The following THUMPD2 variants were observed in gnomAD, a reference collection of about 807,000 sequenced individuals.
THUMPD2 encodes THUMP domain 2 tRNA and snRNA guanosine methyltransferase.
In THUMPD2, 56 loss-of-function variants were observed where a neutral mutation model predicts 49.4. That is an observed-to-expected ratio of 1.13 (90% CI 0.91 to 1.41). The LOEUF is 1.41. Ranked by LOEUF, THUMPD2 falls within the 40% of genes most tolerant of loss-of-function variation. The probability of loss-of-function intolerance (pLI) is 0.00; values close to 1 mark genes in which losing one functional copy is unlikely to be tolerated. For synonymous variants in THUMPD2, 237 were observed against 205.2 expected (o/e 1.15, Z -1.32); for missense variants, 709 against 594.5 (o/e 1.19, Z -2.00).
chr2:39,755,822 G>A lies in THUMPD2; in HGVS notation c.963+67C>T, dbSNP rs1676034289. On this transcript the variant is annotated intron_variant, in intron 7 of 9. Transcript: ENST00000505747. ...ATAGACATTCTACTTGTAAATAATT[G>A]GTGATTATACTACATATACTGATTA... 6.3e-6 allele frequency: 8 copies of A among 1,265,166 alleles called. No individual in the cohort carries two copies. The South Asian group carries it at 1.0e-4, about 17-fold the overall frequency. The allele number at this position is 1,265,166 out of a possible 1,614,324, so 78.4% of individuals were successfully genotyped here.
Position 39,736,665 on chromosome 2 carries a change from T to C in THUMPD2, c.*70A>G. 1 of 1,425,384 alleles carries C rather than the reference T, an allele frequency of 7.0e-7. No homozygotes were observed. The highest frequency in any genetic ancestry group is 9.4e-7 in the Non-Finnish European group (1 of 1,060,098). 88.3% of individuals were successfully genotyped at this position (1,425,384 alleles called of 1,614,324 possible). A position where few individuals can be genotyped will look rare whatever the true frequency, so the allele number is the denominator to read the frequency against. ...AGCTCTGTGGGTGCTATATGAATCC[T>C]AGAGACAGCAAACTTCTGCTGTACA... is the stretch of plus-strand genomic sequence containing the variant. On this transcript the variant is annotated 3_prime_UTR_variant, in exon 10 of 10. Coordinates refer to ENST00000505747, the MANE Select transcript of THUMPD2 (RefSeq NM_025264.5).
intron 8 of THUMPD2, among the ~76,000 whole-genome samples, chr2:39,750,303 A>G (rs1675219875): frequency 6.6e-6 from 1 of 152,318 alleles, no homozygotes; most frequent in Admixed American, 6.5e-5. Flanking sequence ...GACTGGCATG[A>G]GATGGTTTCC....
intron 1 of THUMPD2, among the ~76,000 whole-genome samples, chr2:39,776,801 T>TAG (rs1480520597): frequency 5.9e-5 from 9 of 152,172 alleles, no homozygotes; most frequent in African/African-American, 2.2e-4. Context: ...TGTTGGGAGT[T>TAG]CTCTGAGAGG....
rs1676062477 is a variant in THUMPD2, at chr2:39,755,970, G to T, written c.892-10C>A. On this transcript the variant is annotated splice_polypyrimidine_tract_variant and intron_variant, in intron 6 of 9. Coordinates refer to ENST00000505747, the MANE Select transcript of THUMPD2 (RefSeq NM_025264.5). ...AAACAAATGCACCAGCCTGCAGACA[G>T]AAATATTAATTTGGTATTATTAAGA... 1.9e-6 allele frequency: 3 copies of T among 1,612,850 alleles called. No homozygotes were observed. The highest frequency in any genetic ancestry group is 2.5e-6 in the Non-Finnish European group (3 of 1,179,092).
chr2:39,755,163 CTGAG>C (rs1177202692), intron 8 of THUMPD2, 128 bp downstream of exon 8: 8 of 511,206 alleles, frequency 1.6e-5, no homozygotes, highest in East Asian at 3.6e-5. Context: ...TAGAAGTAAA[CTGAG>C]TATTAGTCCC....
intron 6 of THUMPD2, among the ~76,000 whole-genome samples, chr2:39,760,759 T>C (rs1489844084): frequency 6.6e-6 from 1 of 152,004 alleles, no homozygotes; most frequent in Non-Finnish European, 1.5e-5. Context: ...AGGACTTAAG[T>C]AACAAAAAGG....
chr2:39,744,898 A>G (rs559279698), intron 8 of THUMPD2, among the ~76,000 whole-genome samples: 1 of 152,266 alleles, frequency 6.6e-6, no homozygotes, highest in Admixed American at 6.5e-5. Flanking sequence ...GAGGATCCAT[A>G]GCTATCATTG....
In THUMPD2 at chr2:39,757,560, C is replaced by T. The variant is rs1281397599; in HGVS notation, c.892-1600G>A. The stretch of plus-strand genomic sequence containing the variant: ...TTATTAGGATCTCAAATGTGCCATA[C>T]GCTGTGCTCCTTCTCTCCCATGGTC... On this transcript the variant is annotated intron_variant, in intron 6 of 9. Transcript: ENST00000505747. Among the ~76,000 whole-genome samples the T allele has an allele frequency of 3.9e-5, 6 of 152,276 alleles. No individual in the cohort carries two copies. The East Asian group carries it at 5.8e-4, about 15-fold the overall frequency.
At chr2:39,756,846 C>G (rs1222072533) in intron 6 of THUMPD2, among the ~76,000 whole-genome samples, 1 of 151,586 alleles carries the variant, frequency 6.6e-6, no homozygotes, top group Non-Finnish European at 1.5e-5. Context: ...AATGGTCTTT[C>G]TCCGGAGCTC....
At chr2:39,775,837 C>T (rs1472096300) in intron 1 of THUMPD2, among the ~76,000 whole-genome samples, 1 of 148,656 alleles carries the variant, frequency 6.7e-6, no homozygotes, top group Admixed American at 6.7e-5. Context: ...CAACCTTATG[C>T]AATTATTCCA....
Position 39,736,614 on chromosome 2 carries a change from G to A in THUMPD2, c.*121C>T. The A allele has an allele frequency of 2.4e-6, 2 of 828,258 alleles. No individual in the cohort carries two copies. Among genetic ancestry groups the A allele is most frequent in the Non-Finnish European group, 3.7e-6 (2 of 542,136 alleles). The allele number at this position is 828,258 out of a possible 1,614,324, so 51.3% of individuals were successfully genotyped here. On this transcript the variant is annotated 3_prime_UTR_variant, in exon 10 of 10. Coordinates refer to ENST00000505747, the MANE Select transcript of THUMPD2 (RefSeq NM_025264.5). ...TGTGTACCCATCAGCCACACCTCCTGTCTTTGGGGGAATTTGGTTACTTGG... is the reference window on the plus strand; with the variant it reads ...TGTGTACCCATCAGCCACACCTCCTATCTTTGGGGGAATTTGGTTACTTGG...
At chr2:39,739,393 A>G (rs74785221) in intron 9 of THUMPD2, among the ~76,000 whole-genome samples, 3 of 151,994 alleles carry the variant, frequency 2.0e-5, no homozygotes, top group African/African-American at 7.3e-5. Context: ...CTTATCACTC[A>G]CGCCCCACAG....
chr2:39,743,063 G>C (rs531224398), intron 9 of THUMPD2, among the ~76,000 whole-genome samples: 34 of 152,318 alleles, frequency 2.2e-4, no homozygotes, highest in Middle Eastern at 3.4e-3. Flanking sequence ...CCAAAATGCA[G>C]TGAGATGACT....
intron 5 of THUMPD2, among the ~76,000 whole-genome samples, chr2:39,763,981 T>C (rs937879546): frequency 7.9e-5 from 12 of 152,242 alleles, no homozygotes; most frequent in African/African-American, 2.9e-4. Context: ...CCATCCTCCA[T>C]GTAAATCAAG....
Position 39,761,417 on chromosome 2 carries a change from C to T in THUMPD2, c.805G>A (p.Val269Ile). The stretch of plus-strand genomic sequence containing the variant: ...ATGTAAGCTCTGCTGGCTAGGGAAA[C>T]CCTACAAAGGATAGAATCTGATTAT... ...YSVVGIPVFR[V>I]SLASRAYIKT... is the part of the protein sequence containing the mutation. The change falls in exon 6 of 10, where the codon GTT (valine) becomes ATT (isoleucine). Residue 269 changes from valine (V) to isoleucine (I), a missense_variant and splice_region_variant. Val to Ile is a conservative substitution (Grantham distance 29). Coordinates refer to ENST00000505747, the MANE Select transcript of THUMPD2 (RefSeq NM_025264.5). The T allele has an allele frequency of 1.2e-6, 2 of 1,613,356 alleles. No individual in the cohort carries two copies. The highest frequency in any genetic ancestry group is 1.7e-6 in the Non-Finnish European group (2 of 1,179,506).
chr2:39,756,909 GTAA>G (rs147238410), intron 6 of THUMPD2, among the ~76,000 whole-genome samples: 198 of 143,560 alleles, frequency 1.4e-3, no homozygotes, highest in Middle Eastern at 3.6e-3. Context: ...AAGCTAAAAT[GTAA>G]TAATAATAAT....
chr2:39,759,999 TTGTAA>T (rs1174573797), intron 6 of THUMPD2, among the ~76,000 whole-genome samples: 6 of 152,164 alleles, frequency 3.9e-5, no homozygotes, highest in Admixed American at 6.5e-5. Flanking sequence ...GCAATAAACC[TTGTAA>T]TGTATCTTAG....
At position 39,768,772 on chromosome 2, in the gene THUMPD2, C is replaced by T. The variant is rs1277354844; in HGVS notation, c.673-271G>A. The stretch of plus-strand genomic sequence containing the variant: ...TTGTAATTTTAGGTATATGAAATAA[C>T]TAGATTATGACCTGATAAATATGAT... On this transcript the variant is annotated intron_variant, in intron 3 of 9. Coordinates refer to ENST00000505747, the MANE Select transcript of THUMPD2 (RefSeq NM_025264.5). The T allele has an allele frequency of 1.2e-5, 9 of 760,040 alleles. No individual in the cohort carries two copies. The Admixed American group carries it at 2.1e-4, about 18-fold the overall frequency. The allele number at this position is 760,040 out of a possible 1,614,324, so 47.1% of individuals were successfully genotyped here. A position where few individuals can be genotyped will look rare whatever the true frequency, so the allele number is the denominator to read the frequency against.
chr2:39,775,866 G>A (rs1679025710), intron 1 of THUMPD2, among the ~76,000 whole-genome samples: 1 of 150,984 alleles, frequency 6.6e-6, no homozygotes, highest in Non-Finnish European at 1.5e-5. Flanking sequence ...AAATAACTAT[G>A]GAATAACTTG....
Sources: allele counts gnomAD v4.1 joint callset (sites outside exome capture counted in the v4.1 genomes callset), GRCh38; gene constraint gnomAD v4.1.1; transcripts MANE v1.5; gene names NCBI Gene and HGNC (gene_info 2026-07-23, HGNC 2026-07-21).